ITGB3: variants seen among roughly 807,000 people sequenced by gnomAD.
ITGB3 encodes integrin subunit beta 3, also known as integrin beta-3.
Under a neutral mutation model 85.8 loss-of-function variants are expected in ITGB3, and 48 were observed. The ratio of observed to expected loss-of-function variants is 0.56; its 90% CI spans 0.44 to 0.71. The LOEUF is 0.71. Among genes scored for constraint, ITGB3 ranks in the 30% least tolerant of loss-of-function variants. The pLI is 0.00. For synonymous variants in ITGB3, 363 were observed against 395.6 expected, an observed-to-expected ratio of 0.92 and a Z score of 0.98; for missense variants, 861 against 1,019.1, an observed-to-expected ratio of 0.84 and a Z score of 2.11.
chr17:47,301,107 C>T (rs1361345864), intron 12 of ITGB3, among the ~76,000 whole-genome samples: 1 of 152,112 alleles, frequency 6.6e-6, no homozygotes, highest in Non-Finnish European at 1.5e-5. Flanking sequence ...TCTGGGGCCC[C>T]TTTTGAAATA....
chr17:47,284,189 C>G (rs2065094337), intron 3 of ITGB3, among the ~76,000 whole-genome samples: 1 of 152,030 alleles, frequency 6.6e-6, no homozygotes, highest in Non-Finnish European at 1.5e-5. Flanking sequence ...AGTGATAGAC[C>G]CGTGGAACTC....
In ITGB3 at chr17:47,302,788, GTAC is replaced by G. The variant is rs2065172207; in HGVS notation, c.2085_2087del (p.Tyr696del). 4 of 1,613,964 alleles carry G rather than the reference GTAC, an allele frequency of 2.5e-6. No homozygotes were observed. The highest frequency in any genetic ancestry group is 3.4e-6 in the Non-Finnish European group (4 of 1,179,948). The stretch of plus-strand genomic sequence containing the variant: ...AGGATGACTGTGTCGTCAGATTCCA[GTAC>G]TATGAAGATTCTAGTGGAAAGTCCA... On this transcript the variant is annotated inframe_deletion, in exon 13 of 15. Coordinates refer to ENST00000559488, the MANE Select transcript of ITGB3 (RefSeq NM_000212.3).
Position 47,313,421 on chromosome 17 carries a change from A to C in ITGB3, c.*3217A>C, listed in dbSNP as rs1276383615. On this transcript the variant is annotated 3_prime_UTR_variant, in exon 15 of 15. Transcript: ENST00000559488. ...GAGTGCAGTGGCACGATCTCTGCTC[A>C]CTGCAAGCTTCGCCTCCCGGGTTCA... 5.1e-5 allele frequency among the ~76,000 whole-genome samples: 7 copies of C among 138,586 alleles called. No homozygotes were observed. The highest frequency in any genetic ancestry group is 1.9e-4 in the African/African-American group (7 of 36,410). The allele number at this position is 138,586 out of a possible 152,430, so 90.9% of individuals were successfully genotyped here.
chr17:47,281,041 T>C (rs1432420730), intron 2 of ITGB3, among the ~76,000 whole-genome samples: 1 of 152,232 alleles, frequency 6.6e-6, no homozygotes, highest in East Asian at 1.9e-4. Context: ...ATTGGGTTCC[T>C]TATTTGTGAA....
chr17:47,277,931 CTTCT>C (rs986220507), intron 2 of ITGB3, among the ~76,000 whole-genome samples: 22 of 152,288 alleles, frequency 1.4e-4, no homozygotes, highest in African/African-American at 4.8e-4. Context: ...TCTGACTTGT[CTTCT>C]TTCTATTTAT....
rs770653879 is a variant in ITGB3, at chr17:47,283,542, C to T, written c.354C>T (p.Leu118=). The T allele has an allele frequency of 1.6e-5, 26 of 1,614,166 alleles. No homozygotes were observed. Among genetic ancestry groups the T allele is most frequent in the Admixed American group, 3.3e-5 (2 of 60,014 alleles). The change falls in exon 3 of 15, where the codon CTC becomes CTT. Residue 118 remains leucine (L), a synonymous_variant. Coordinates refer to ENST00000559488, the MANE Select transcript of ITGB3 (RefSeq NM_000212.3). ...GTCCCCAGAGGATTGCACTCCGGCT[C>T]CGGCCAGGTAGGGCTGGGACTCTTT... ...QVSPQRIALR[L]RPDDSKNFSI...
intron 1 of ITGB3, among the ~76,000 whole-genome samples, chr17:47,272,724 T>A (rs867394638): frequency 7.9e-6 from 1 of 126,496 alleles, no homozygotes; most frequent in Non-Finnish European, 1.7e-5. Flanking sequence ...TCTTTCTTTC[T>A]TTCGTTCTTT....
intron 1 of ITGB3, among the ~76,000 whole-genome samples, chr17:47,259,776 G>C (rs1269530066): frequency 6.6e-6 from 1 of 152,132 alleles, no homozygotes; most frequent in African/African-American, 2.4e-5. Context: ...GCATGCGTCT[G>C]TAATCCCAGC....
intron 14 of ITGB3, among the ~76,000 whole-genome samples, chr17:47,308,111 A>G (rs923766660): frequency 6.6e-6 from 1 of 150,700 alleles, no homozygotes; most frequent in African/African-American, 2.4e-5. Context: ...GGTTGTAGTG[A>G]GCTGAGATTG....
rs1044851954 is a variant in ITGB3 at position 47,312,975 on chromosome 17, A to AT, written c.*2781dup. Among the ~76,000 whole-genome samples, 67 of 150,400 alleles carry AT rather than the reference A, an allele frequency of 4.5e-4. 1 individual carries two copies. The highest frequency in any genetic ancestry group is 2.5e-4 in the Non-Finnish European group (17 of 67,414). ...CTCTGAGATTCCCAGGTCATCCATG[A>AT]TTTTTTTTTTAATTTGAGACAAAGC... On this transcript the variant is annotated 3_prime_UTR_variant, in exon 15 of 15. Coordinates refer to ENST00000559488, the MANE Select transcript of ITGB3 (RefSeq NM_000212.3).
chr17:47,299,294 C>G lies in ITGB3; in HGVS notation c.1691-14C>G. 6.2e-7 allele frequency: 1 copy of G among 1,612,854 alleles called. No individual in the cohort carries two copies. The highest frequency in any genetic ancestry group is 1.1e-5 in the South Asian group (1 of 91,074). On this transcript the variant is annotated splice_polypyrimidine_tract_variant and intron_variant, in intron 10 of 14. Transcript: ENST00000559488. This position sits in a 1 kb window ranked among gnomAD's most constrained non-coding sequence, Gnocchi z 5.1. ...TCGCCAGCGGGTCCACCTTCCTGGGCTGTGTGTTTTCAGGCCATGGCCAGT... is the reference window on the plus strand; with the variant it reads ...TCGCCAGCGGGTCCACCTTCCTGGGGTGTGTGTTTTCAGGCCATGGCCAGT...
chr17:47,289,762 G>A lies in ITGB3; in HGVS notation c.1021G>A (p.Val341Ile). ...GATCTTTGCAGTGACTGAAAATGTAGTCAATCTCTATCAGGTGACTGTGCC... is the reference window on the plus strand; with the variant it reads ...GATCTTTGCAGTGACTGAAAATGTAATCAATCTCTATCAGGTGACTGTGCC... ...NLIFAVTENV[V>I]NLYQNYSELI... Residue 341 changes from valine to isoleucine, a missense_variant, in exon 7 of 15, where the codon GTC becomes ATC. By Grantham distance (29) the Val-to-Ile change is conservative. Transcript: ENST00000559488. 3 of 1,613,726 alleles carry A rather than the reference G, an allele frequency of 1.9e-6. No homozygotes were observed. Among genetic ancestry groups the A allele is most frequent in the South Asian group, 1.1e-5 (1 of 91,078 alleles).
At chr17:47,256,907 G>A (rs1305521376) in intron 1 of ITGB3, among the ~76,000 whole-genome samples, 1 of 152,182 alleles carries the variant, frequency 6.6e-6, no homozygotes, top group Non-Finnish European at 1.5e-5. Flanking sequence ...GAGAAACACA[G>A]CAGGAAGGCT....
rs374518304 is a variant in ITGB3, at chr17:47,307,444, G to A, written c.2135-27G>A. On this transcript the variant is annotated intron_variant, in intron 13 of 14. Transcript: ENST00000559488. ...AGTGACTCCTGCTTCATTCACAACC[G>A]CCCTGCTCTGTGCTTCTTCCTCACA... is the stretch of plus-strand genomic sequence containing the variant. The A allele has an allele frequency of 2.0e-5, 33 of 1,613,110 alleles. No homozygotes were observed. The African/African-American group carries it at 2.3e-4, about 11-fold the overall frequency.
At chr17:47,255,377 A>G (rs540951142) in intron 1 of ITGB3, among the ~76,000 whole-genome samples, 8 of 152,258 alleles carry the variant, frequency 5.3e-5, no homozygotes, top group African/African-American at 1.2e-4. Context: ...TCTTCTGTGT[A>G]TGTATAGACG....
At chr17:47,307,663 TAA>T in intron 14 of ITGB3, 26 bp downstream of exon 14, 1 of 1,610,928 alleles carries the variant, frequency 6.2e-7, no homozygotes. Context: ...GGGCGTTTTC[TAA>T]AGTCATTGGT....
chr17:47,264,335 T>A (rs2065018587), intron 1 of ITGB3, among the ~76,000 whole-genome samples: 1 of 152,216 alleles, frequency 6.6e-6, no homozygotes, highest in Non-Finnish European at 1.5e-5. Context: ...CACACCCTCA[T>A]GCCCCATGAG....
rs2143133455 is a variant in ITGB3, at chr17:47,300,583, G to A, written c.2014+5G>A. On this transcript the variant is annotated splice_donor_5th_base_variant and intron_variant, in intron 12 of 14. Coordinates refer to ENST00000559488, the MANE Select transcript of ITGB3 (RefSeq NM_000212.3). ...TTGAGTCAGTGAAAGAGCTTAGTAA[G>A]TTCAGCACATCTTAGAGTTGCACAC... 6.2e-7 allele frequency: 1 copy of A among 1,608,810 alleles called. No homozygotes were observed. Among genetic ancestry groups the A allele is most frequent in the Non-Finnish European group, 8.5e-7 (1 of 1,175,540 alleles).
intron 4 of ITGB3, among the ~76,000 whole-genome samples, 179 bp from the exon 5 acceptor site, chr17:47,286,081 T>G (rs531924114): frequency 6.6e-6 from 1 of 152,296 alleles, no homozygotes; most frequent in East Asian, 1.9e-4. Context: ...GGGGTAATGT[T>G]GATGGGGAGC....
Sources: gnomAD v4.1 joint callset for allele counts (sites outside exome capture counted in the v4.1 genomes callset) on GRCh38, gnomAD v4.1.1 for gene constraint, Gnocchi (gnomAD v3.1) non-coding constraint, MANE v1.5 for transcripts, NCBI Gene and HGNC (gene_info 2026-07-23, HGNC 2026-07-21) for gene names.